The following MAST4 variants were observed in gnomAD, a reference collection of about 807,000 sequenced individuals.
MAST4 encodes the protein microtubule-associated serine/threonine-protein kinase 4.
MAST4 carries 89 observed loss-of-function variants against 162.7 expected under a neutral mutation model. The ratio of observed to expected loss-of-function variants is 0.55; its 90% CI spans 0.46 to 0.65. MAST4 has a LOEUF of 0.65. Among genes scored for constraint, MAST4 ranks in the 30% least tolerant of loss-of-function variants. The pLI, the probability that MAST4 is intolerant of heterozygous loss-of-function variation, is 0.00. For synonymous variants in MAST4, 1,479 were observed against 1,361.1 expected (o/e 1.09, Z -1.91); for missense variants, 3,153 against 3,374.0 (o/e 0.93, Z 1.62).
intron 5 of MAST4, among the ~76,000 whole-genome samples, chr5:67,079,283 G>T (rs924506600): frequency 1.3e-5 from 2 of 152,006 alleles, no homozygotes; most frequent in Non-Finnish European, 2.9e-5. Context: ...GCTGAAAGGT[G>T]ATAATAGAGA....
At chr5:66,609,705 GTT>G (rs77135146) in intron 1 of MAST4, among the ~76,000 whole-genome samples, 4,908 of 106,748 alleles carry the variant, frequency 0.046, 272 homozygotes, top group African/African-American at 0.14. Context: ...TTTTTTTTTT[GTT>G]TTTTTTTTTT....
chr5:66,927,196 A>G (rs1048609463), intron 4 of MAST4, among the ~76,000 whole-genome samples: 1 of 152,148 alleles, frequency 6.6e-6, no homozygotes, highest in African/African-American at 2.4e-5. Context: ...AAGGAAAGAG[A>G]GATGTTATGG....
chr5:66,698,339 A>T (rs550586996), intron 1 of MAST4, among the ~76,000 whole-genome samples: 160 of 147,482 alleles, frequency 1.1e-3, no homozygotes, highest in Non-Finnish European at 1.8e-3. Flanking sequence ...TCTCAACCCT[A>T]CTCTCAGCTG....
intron 4 of MAST4, among the ~76,000 whole-genome samples, chr5:67,033,036 C>T (rs1042389882): frequency 3.3e-5 from 5 of 151,680 alleles, no homozygotes; most frequent in South Asian, 2.1e-4. Context: ...ACCATGCTTA[C>T]GAAGACTTTC....
chr5:67,082,241 G>C (rs886739997), intron 5 of MAST4, among the ~76,000 whole-genome samples: 1 of 146,514 alleles, frequency 6.8e-6, no homozygotes, highest in Non-Finnish European at 1.5e-5. Flanking sequence ...TTCTGCCCCC[G>C]GGGTGCAAGC....
At chr5:66,670,199 G>A (rs1747518747) in intron 1 of MAST4, among the ~76,000 whole-genome samples, 1 of 152,072 alleles carries the variant, frequency 6.6e-6, no homozygotes, top group Admixed American at 6.5e-5. Flanking sequence ...AAGTATAGGA[G>A]CAAATACGCC....
chr5:66,659,021 A>G (rs1329416170), intron 1 of MAST4, among the ~76,000 whole-genome samples: 1 of 152,128 alleles, frequency 6.6e-6, no homozygotes, highest in East Asian at 1.9e-4. Context: ...GACTCTGTTA[A>G]AAAAATAAAT....
intron 1 of MAST4, among the ~76,000 whole-genome samples, chr5:66,655,522 A>G (rs927403495): frequency 1.3e-5 from 2 of 152,176 alleles, no homozygotes; most frequent in South Asian, 2.1e-4. Context: ...TCTCAATGCA[A>G]TGCAACCTTT....
chr5:67,148,535 G>T (rs546500887), intron 23 of MAST4, among the ~76,000 whole-genome samples: 1 of 152,024 alleles, frequency 6.6e-6, no homozygotes, highest in Non-Finnish European at 1.5e-5. Flanking sequence ...CCTCTCTTAC[G>T]CTCCGTTGTT....
Position 67,164,214 on chromosome 5 carries a change from T to G in MAST4, c.5035T>G (p.Leu1679Val). The G allele has an allele frequency of 6.2e-7, 1 of 1,613,666 alleles. No homozygotes were observed. The highest frequency in any genetic ancestry group is 2.2e-5 in the East Asian group (1 of 44,870). Residue 1679 changes from leucine to valine, a missense_variant, in exon 29 of 29, where the codon TTA (leucine) becomes GTA (valine). By Grantham distance (32) the Leu-to-Val change is conservative. This residue lies in a region of MAST4 where 1,644 missense variants were observed against 1,495.0 expected (regional missense o/e 1.10). Coordinates refer to ENST00000403625, the MANE Select transcript of MAST4 (RefSeq NM_001164664.2). This position sits in a 1 kb window ranked among gnomAD's most constrained non-coding sequence, Gnocchi z 5.3. ...QAKELLRCEK[L>V]DSKLANIDYL... ...CAAGGAGCTTCTCCGATGTGAAAAG[T>G]TAGACAGCAAGCTGGCCAACATCGA...
chr5:66,813,239 C>G (rs1368049379), intron 3 of MAST4, among the ~76,000 whole-genome samples: 1 of 152,188 alleles, frequency 6.6e-6, no homozygotes, highest in Non-Finnish European at 1.5e-5. Flanking sequence ...GTTTGGGATG[C>G]ATTTTCACAA....
In MAST4 at chr5:67,142,468, A is replaced by G. The variant is rs754407745; in HGVS notation, c.2665A>G (p.Thr889Ala). 13 of 1,600,794 alleles carry G rather than the reference A, an allele frequency of 8.1e-6. No individual in the cohort carries two copies. The highest frequency in any genetic ancestry group is 1.1e-5 in the Non-Finnish European group (13 of 1,173,256). The stretch of plus-strand genomic sequence containing the variant: ...TATGGAAACGGAGGAAGAAGATGAC[A>G]CAAATGATGAAGACTTTAATGTGGA... Reference protein sequence around the residue: ...HHMETEEEDDTNDEDFNVEIR... With the variant: ...HHMETEEEDDANDEDFNVEIR... The change falls in exon 21 of 29, where the codon ACA becomes GCA. Residue 889 changes from threonine (T) to alanine (A), a missense_variant. Physicochemically the swap from Thr to Ala is moderately conservative, Grantham distance 58. Around this residue, in one of 7 missense-constraint regions of MAST4, gnomAD observed 619 missense variants for 744.2 expected, o/e 0.83. Transcript: ENST00000403625.
At chr5:66,824,444 G>A (rs1319241472) in intron 3 of MAST4, among the ~76,000 whole-genome samples, 1 of 152,328 alleles carries the variant, frequency 6.6e-6, no homozygotes. Flanking sequence ...CATCGCTTTT[G>A]GATAGGCAGT....
At chr5:66,630,089 T>C (rs888274105) in intron 1 of MAST4, among the ~76,000 whole-genome samples, 8 of 151,944 alleles carry the variant, frequency 5.3e-5, no homozygotes, top group Admixed American at 5.2e-4. Context: ...TTAGAGGAAC[T>C]TGGAAAAAAA....
At chr5:66,915,524 A>G (rs781421226) in intron 4 of MAST4, among the ~76,000 whole-genome samples, 42 of 152,222 alleles carry the variant, frequency 2.8e-4, no homozygotes, top group Non-Finnish European at 5.3e-4. Context: ...TTAGCATTTG[A>G]ACTAGTGTAC....
At chr5:67,033,415 C>T (rs1755626448) in intron 4 of MAST4, among the ~76,000 whole-genome samples, 1 of 138,108 alleles carries the variant, frequency 7.2e-6, no homozygotes, top group African/African-American at 2.7e-5. Flanking sequence ...AAAAAAAAAG[C>T]AGTCAAGCTG....
intron 1 of MAST4, among the ~76,000 whole-genome samples, chr5:66,643,027 G>C (rs773819600): frequency 6.6e-6 from 1 of 152,118 alleles, no homozygotes; most frequent in African/African-American, 2.4e-5. Flanking sequence ...AACATGGACC[G>C]TTTAATTTCT....
At chr5:67,004,935 A>G in intron 4 of MAST4, 3 of 697,256 alleles carry the variant, frequency 4.3e-6, no homozygotes, top group Non-Finnish European at 5.3e-6. Context: ...CCTTTTTTTT[A>G]CCTCTCCCCA....
At chr5:67,068,898 C>G (rs993794707) in intron 5 of MAST4, among the ~76,000 whole-genome samples, 1 of 151,756 alleles carries the variant, frequency 6.6e-6, no homozygotes. Flanking sequence ...CAGCAGGAGA[C>G]GGCACCCACC....
Sources: gnomAD v4.1 joint callset for allele counts (sites outside exome capture counted in the v4.1 genomes callset) on GRCh38, gnomAD v4.1.1 for gene constraint, gnomAD v4.1.1 regional missense constraint, Gnocchi (gnomAD v3.1) non-coding constraint, MANE v1.5 for transcripts, NCBI Gene and HGNC (gene_info 2026-07-23, HGNC 2026-07-21) for gene names.